PPP2CA: variants seen among roughly 807,000 people sequenced by gnomAD.
The protein encoded by PPP2CA is serine/threonine-protein phosphatase 2A catalytic subunit alpha isoform.
A neutral mutation model predicts 38.8 loss-of-function variants in PPP2CA; 5 were observed. The observed-to-expected ratio is 0.13, with a 90% confidence interval of 0.07 to 0.27. The LOEUF is 0.27. Ranked by LOEUF, PPP2CA falls within the 10% of genes least tolerant of loss-of-function variation. The pLI is 1.00. For missense variants in PPP2CA, 88 were observed against 389.7 expected (o/e 0.23, Z 6.52); for synonymous variants, 152 against 134.0 (o/e 1.13, Z -0.93).
intron 1 of PPP2CA, among the ~76,000 whole-genome samples, chr5:134,213,058 A>G (rs915264168): frequency 1.3e-5 from 2 of 152,162 alleles, no homozygotes; most frequent in Non-Finnish European, 2.9e-5. Flanking sequence ...TCTACCTAAG[A>G]TAAGTGATGA....
intron 1 of PPP2CA, chr5:134,224,370 C>T (rs947492265): frequency 6.9e-6 from 3 of 432,528 alleles, no homozygotes; most frequent in South Asian, 5.0e-5. Context: ...TTTGTTCAGG[C>T]TTGGGAGAAA....
chr5:134,202,892 T>C (rs1351970415), intron 2 of PPP2CA, among the ~76,000 whole-genome samples: 1 of 152,226 alleles, frequency 6.6e-6, no homozygotes, highest in Non-Finnish European at 1.5e-5. Context: ...CTTGGTATTA[T>C]CAACCTTACT....
chr5:134,225,558 C>T, intron 1 of PPP2CA: 1 of 491,980 alleles, frequency 2.0e-6, no homozygotes. Flanking sequence ...CCATTTTAGG[C>T]GGCGGCGGCA....
chr5:134,215,593 TAAAAATAAA>T (rs1314417486), intron 1 of PPP2CA, among the ~76,000 whole-genome samples: 2 of 151,558 alleles, frequency 1.3e-5, no homozygotes, highest in Admixed American at 6.6e-5. Context: ...AAAATAAAAA[TAAAAATAAA>T]AAAGTAAAAA....
At chr5:134,206,472 C>G (rs983269850) in intron 1 of PPP2CA, among the ~76,000 whole-genome samples, 1 of 152,124 alleles carries the variant, frequency 6.6e-6, no homozygotes, top group Non-Finnish European at 1.5e-5. Context: ...CTTCAGAGTT[C>G]TAACTACAAT....
chr5:134,207,426 A>G (rs986823932), intron 1 of PPP2CA, among the ~76,000 whole-genome samples: 1 of 152,144 alleles, frequency 6.6e-6, no homozygotes, highest in African/African-American at 2.4e-5. Context: ...AAAAACACCA[A>G]TGCCCATTCC....
Position 134,201,843 on chromosome 5 carries a change from C to T in PPP2CA, c.486+5G>A, listed in dbSNP as rs1761973015. 1.2e-6 allele frequency: 2 copies of T among 1,612,616 alleles called. No individual in the cohort carries two copies. Among genetic ancestry groups the T allele is most frequent in the African/African-American group, 1.3e-5 (1 of 74,866 alleles). On this transcript the variant is annotated splice_donor_5th_base_variant and intron_variant, in intron 3 of 6. Coordinates refer to ENST00000481195, the MANE Select transcript of PPP2CA (RefSeq NM_002715.4). ...TAATCAGCAATGAGTTTTAGATCCA[C>T]ATACCTGCCCATCCACCAAGGCAGT...
chr5:134,214,887 C>T (rs921350547), intron 1 of PPP2CA, among the ~76,000 whole-genome samples: 1 of 152,072 alleles, frequency 6.6e-6, no homozygotes, highest in African/African-American at 2.4e-5. Flanking sequence ...AAGAGTTTTT[C>T]ATTTTAAAAT....
chr5:134,207,690 G>A (rs1311770842), intron 1 of PPP2CA, among the ~76,000 whole-genome samples: 2 of 152,124 alleles, frequency 1.3e-5, no homozygotes, highest in South Asian at 2.1e-4. Flanking sequence ...GAACAATTGC[G>A]ACCACAGGTG....
rs2270285 is a variant in PPP2CA at position 134,200,902 on chromosome 5, G to C, written c.576+83C>G. On this transcript the variant is annotated intron_variant, in intron 4 of 6. Transcript: ENST00000481195. ...AGTTGTTTTTGAGAATTATATGAGA[G>C]AATACATCTAATGAACTTACAATTA... The C allele has an allele frequency of 5.6e-3, 6,332 of 1,121,246 alleles. 404 individuals are homozygous for C. The East Asian group carries it at 0.14, about 24-fold the overall frequency. The allele number at this position is 1,121,246 out of a possible 1,614,324, so 69.5% of individuals were successfully genotyped here.
Position 134,225,216 on chromosome 5 carries a change from T to C in PPP2CA, c.102+544A>G, listed in dbSNP as rs549752788. Among the ~76,000 whole-genome samples the C allele has an allele frequency of 1.8e-4, 27 of 152,306 alleles. No homozygotes were observed. In the East Asian group the frequency reaches 3.7e-3, roughly 21 times the overall value. On this transcript the variant is annotated intron_variant, in intron 1 of 6. Transcript: ENST00000481195. Reference sequence around the variant, plus strand: ...CTTAAAGACACCCCTTACCTTGATTTCTGGAGAAGATCGCTTGGTGAGTTT... The same window carrying C: ...CTTAAAGACACCCCTTACCTTGATTCCTGGAGAAGATCGCTTGGTGAGTTT...
Position 134,201,048 on chromosome 5 carries a change from C to T in PPP2CA, c.513G>A (p.Ser171=), listed in dbSNP as rs778165477. 7.4e-6 allele frequency: 12 copies of T among 1,612,520 alleles called. No individual in the cohort carries two copies. In the African/African-American group the frequency reaches 9.4e-5, roughly 13 times the overall value. Residue 171 remains serine (S), a synonymous_variant, in exon 4 of 7, where the codon TCG becomes TCA. Coordinates refer to ENST00000481195, the MANE Select transcript of PPP2CA (RefSeq NM_002715.4). ...GQIFCLHGGL[S]PSIDTLDHIR... ...TATGATCCAGTGTATCTATAGATGG[C>T]GAGAGACCACCATGTAGACAGAAGA...
rs963181527 is a variant in PPP2CA at position 134,194,512 on chromosome 5, C to T, written c.*3260G>A. 4 of 152,306 alleles carry T rather than the reference C, an allele frequency of 2.6e-5. No individual in the cohort carries two copies. Among genetic ancestry groups the T allele is most frequent in the African/African-American group, 7.2e-5 (3 of 41,468 alleles). 9.4% of individuals were successfully genotyped at this position (152,306 alleles called of 1,614,324 possible). On this transcript the variant is annotated 3_prime_UTR_variant, in exon 7 of 7. Transcript: ENST00000481195. ...AAACAGGTAAAAGTCACCACTGAAA[C>T]AGAGAGTCGCACGGTACATTTTAAT...
chr5:134,201,784 C>G, intron 3 of PPP2CA, 64 bp downstream of exon 3: 1 of 1,522,104 alleles, frequency 6.6e-7, no homozygotes, highest in Non-Finnish European at 8.9e-7. Flanking sequence ...GAGTCATAAG[C>G]ACCTGAACAC....
chr5:134,217,877 G>C (rs924657893), intron 1 of PPP2CA, among the ~76,000 whole-genome samples: 1 of 152,142 alleles, frequency 6.6e-6, no homozygotes, highest in African/African-American at 2.4e-5. Context: ...CTAAGCTATT[G>C]GATAGCCTAT....
In PPP2CA at chr5:134,200,362, C is replaced by T. The variant is rs1280976085; in HGVS notation, c.711G>A (p.Val237=). 1 of 1,613,912 alleles carries T rather than the reference C, an allele frequency of 6.2e-7. No homozygotes were observed. Among genetic ancestry groups the T allele is most frequent in the Non-Finnish European group, 8.5e-7 (1 of 1,179,958 alleles). Residue 237 remains valine (V), a synonymous_variant, in exon 5 of 7, where the codon GTG becomes GTA. Coordinates refer to ENST00000481195, the MANE Select transcript of PPP2CA (RefSeq NM_002715.4). ...TFNHANGLTL[V]SRAHQLVMEG... ...CCATCACTAGCTGGTGAGCTCTAGACACCAACGTGAGGCCATTGGCATGAT... is the reference window on the plus strand; with the variant it reads ...CCATCACTAGCTGGTGAGCTCTAGATACCAACGTGAGGCCATTGGCATGAT...
At chr5:134,215,081 G>T (rs1156786533) in intron 1 of PPP2CA, among the ~76,000 whole-genome samples, 1 of 145,034 alleles carries the variant, frequency 6.9e-6, no homozygotes, top group Admixed American at 7.2e-5. Context: ...CTTGAGAAGT[G>T]TCTAATATTT....
chr5:134,206,147 A>G lies in PPP2CA; in HGVS notation c.103-16T>C. ...TTTCTTTAGCCTACAGATGGGAGAC[A>G]AAAATAAGGCAATACATTTGGCATT... is the stretch of plus-strand genomic sequence containing the variant. On this transcript the variant is annotated splice_polypyrimidine_tract_variant and intron_variant, in intron 1 of 6. Transcript: ENST00000481195. 1 of 1,589,860 alleles carries G rather than the reference A, an allele frequency of 6.3e-7. No homozygotes were observed. The highest frequency in any genetic ancestry group is 8.6e-7 in the Non-Finnish European group (1 of 1,158,444).
At chr5:134,223,727 C>T (rs1216651067) in intron 1 of PPP2CA, among the ~76,000 whole-genome samples, 1 of 152,154 alleles carries the variant, frequency 6.6e-6, no homozygotes, top group Non-Finnish European at 1.5e-5. Context: ...CAACACAAAC[C>T]CTCTACTTCC....
Sources: gnomAD v4.1 joint callset for allele counts (sites outside exome capture counted in the v4.1 genomes callset) on GRCh38, gnomAD v4.1.1 for gene constraint, MANE v1.5 for transcripts, NCBI Gene and HGNC (gene_info 2026-07-23, HGNC 2026-07-21) for gene names.